Variants in WNT5A observed in about 807,000 individuals in gnomAD.
WNT5A encodes protein Wnt-5a.
WNT5A carries 9 observed loss-of-function variants against 42.1 expected under a neutral mutation model. That is an observed-to-expected ratio of 0.21 (90% CI 0.13 to 0.37). The LOEUF is 0.37. WNT5A is among the 10% of genes least tolerant of loss of function. WNT5A has a pLI of 1.00. For missense variants in WNT5A, 426 were observed against 534.0 expected (o/e 0.80, Z 1.99); for synonymous variants, 210 against 210.0 (o/e 1.00, Z 0.00).
At chr3:55,500,949 A>G in the WNT5A span, among the ~76,000 whole-genome samples, 1 of 152,228 alleles carries the variant, frequency 6.6e-6, no homozygotes, top group Non-Finnish European at 1.5e-5. Context: ...AAAGAGGTAG[A>G]ACGTTTTCTC....
At chr3:55,492,705 A>G (rs1157178841), upstream of WNT5A, among the ~76,000 whole-genome samples, 1 of 152,212 alleles carries the variant, frequency 6.6e-6, no homozygotes, top group Non-Finnish European at 1.5e-5. Flanking sequence ...AACAATCATA[A>G]TAATTGCTGG....
chr3:55,486,545 C>T lies in WNT5A; in HGVS notation c.6+435G>A, dbSNP rs372296739. Among the ~76,000 whole-genome samples the T allele has an allele frequency of 4.7e-3, 722 of 152,338 alleles. 7 individuals carry two copies. The highest frequency in any genetic ancestry group is 0.039 in the South Asian group (188 of 4,832). Reference sequence around the variant, plus strand: ...TCTCTCAACCAAGGAGTCCCTTTCCCCATCCCGAGCCCCGGCCACACACCG... The same window carrying T: ...TCTCTCAACCAAGGAGTCCCTTTCCTCATCCCGAGCCCCGGCCACACACCG... On this transcript the variant is annotated intron_variant, in intron 1 of 4. Transcript: ENST00000264634.
chr3:55,492,049 A>C (rs2051665436), upstream of WNT5A, among the ~76,000 whole-genome samples: 1 of 152,214 alleles, frequency 6.6e-6, no homozygotes, highest in African/African-American at 2.4e-5. Context: ...AGGCTCTTTG[A>C]GACTCTCAAG....
chr3:55,472,343 G>T (rs2051267867), intron 4 of WNT5A, among the ~76,000 whole-genome samples: 1 of 152,332 alleles, frequency 6.6e-6, no homozygotes, highest in African/African-American at 2.4e-5. Flanking sequence ...GGCTAAGAAA[G>T]TCCCAAAGAT....
chr3:55,476,111 A>G, intron 3 of WNT5A, among the ~76,000 whole-genome samples: 1 of 152,240 alleles, frequency 6.6e-6, no homozygotes. Context: ...AGCACAAGAA[A>G]AGCTGACAAC....
chr3:55,481,071 AGTTTCT>A, intron 1 of WNT5A, 153 bp from the exon 2 acceptor site: 1 of 866,954 alleles, frequency 1.2e-6, no homozygotes, highest in Non-Finnish European at 1.5e-6. Context: ...AGATATAGGC[AGTTTCT>A]TTTTCCAAAT....
Position 55,483,370 on chromosome 3 carries a change from C to T in WNT5A, c.7-2452G>A, listed in dbSNP as rs2051507276. On this transcript the variant is annotated intron_variant, in intron 1 of 4. Transcript: ENST00000264634. This position sits in a 1 kb window ranked among gnomAD's most constrained non-coding sequence, Gnocchi z 4.2. ...ATCCCAGTGCAACCGAGAAAAGGCC[C>T]CACAAGTTTGAGACACTCAAAGAAC... Among the ~76,000 whole-genome samples the T allele has an allele frequency of 6.6e-6, 1 of 152,106 alleles. No homozygotes were observed. The highest frequency in any genetic ancestry group is 6.5e-5 in the Admixed American group (1 of 15,276).
chr3:55,489,293 GCA>G (rs6147828), upstream of WNT5A: 44,933 of 148,448 alleles, frequency 0.3, 6,851 homozygotes, highest in Non-Finnish European at 0.35. Flanking sequence ...ACACACGCGC[GCA>G]CACACACACA....
rs918725554 is a variant in WNT5A at position 55,466,877 on chromosome 3, T to G, written c.*3215A>C. The G allele has an allele frequency of 2.0e-5, 3 of 151,838 alleles. No homozygotes were observed. Among genetic ancestry groups the G allele is most frequent in the African/African-American group, 7.2e-5 (3 of 41,422 alleles). 9.4% of individuals were successfully genotyped at this position (151,838 alleles called of 1,614,324 possible). On this transcript the variant is annotated 3_prime_UTR_variant, in exon 5 of 5. Coordinates refer to ENST00000264634, the MANE Select transcript of WNT5A (RefSeq NM_003392.7). ...CTCTATATGTTGGTCTGCTGTTTTT[T>G]TGTGGAATAATGCATTCTTGGCATC...
In WNT5A at chr3:55,483,103, G is replaced by A. The variant is rs985477345; in HGVS notation, c.7-2185C>T. On this transcript the variant is annotated intron_variant, in intron 1 of 4. Transcript: ENST00000264634. The surrounding 1 kb of genome is among the most constrained non-coding windows in gnomAD (Gnocchi z 4.2). Reference sequence around the variant, plus strand: ...TACAGCGGATCTCTTTGTTAGAGCCGAAGCCACACAAACCGAACCCACTCC... The same window carrying A: ...TACAGCGGATCTCTTTGTTAGAGCCAAAGCCACACAAACCGAACCCACTCC... Among the ~76,000 whole-genome samples the A allele has an allele frequency of 6.6e-6, 1 of 152,152 alleles. No individual in the cohort carries two copies. Among genetic ancestry groups the A allele is most frequent in the Non-Finnish European group, 1.5e-5 (1 of 68,036 alleles).
chr3:55,481,903 C>T (rs1035481190), intron 1 of WNT5A, among the ~76,000 whole-genome samples: 6 of 152,206 alleles, frequency 3.9e-5, no homozygotes, highest in African/African-American at 1.4e-4. Context: ...CTCTCCCTCC[C>T]ACCCCACACC....
intron 3 of WNT5A, among the ~76,000 whole-genome samples, chr3:55,475,377 G>C (rs1402037671): frequency 1.3e-5 from 2 of 152,078 alleles, no homozygotes; most frequent in Non-Finnish European, 2.9e-5. Flanking sequence ...ACTCATTTTG[G>C]CCTTGTGTCC....
upstream of WNT5A, chr3:55,490,025 C>T (rs987291552): frequency 2.0e-5 from 3 of 152,268 alleles, no homozygotes; most frequent in African/African-American, 7.2e-5. Flanking sequence ...ATCTCCGGGA[C>T]CCACCTTACG....
the WNT5A span, among the ~76,000 whole-genome samples, chr3:55,497,666 G>A: frequency 2.9e-3 from 438 of 152,300 alleles, 1 homozygote; most frequent in African/African-American, 0.01. Flanking sequence ...ATATTCCAGT[G>A]TTACAGATGA....
In WNT5A at chr3:55,483,315, C is replaced by G. The variant is rs2051506004; in HGVS notation, c.7-2397G>C. ...TCTCCACTTAACCCCGCCGCTTGCC[C>G]GGAAACACCTTGGCCCTCTTCCCTC... On this transcript the variant is annotated intron_variant, in intron 1 of 4. Transcript: ENST00000264634. This position sits in a 1 kb window ranked among gnomAD's most constrained non-coding sequence, Gnocchi z 4.2. 6.6e-6 allele frequency among the ~76,000 whole-genome samples: 1 copy of G among 152,120 alleles called. No individual in the cohort carries two copies. Among genetic ancestry groups the G allele is most frequent in the South Asian group, 2.1e-4 (1 of 4,818 alleles).
At chr3:55,479,867 A>C (rs1473087989) in intron 2 of WNT5A, among the ~76,000 whole-genome samples, 1 of 152,180 alleles carries the variant, frequency 6.6e-6, no homozygotes, top group African/African-American at 2.4e-5. Context: ...GAAAAGGAGG[A>C]AACAGCAGTT....
chr3:55,487,040 G>A lies in WNT5A; in HGVS notation c.-55C>T, dbSNP rs1182841292. The A allele has an allele frequency of 5.6e-6, 9 of 1,594,386 alleles. No individual in the cohort carries two copies. Among genetic ancestry groups the A allele is most frequent in the Non-Finnish European group, 7.7e-6 (9 of 1,167,816 alleles). On this transcript the variant is annotated 5_prime_UTR_variant, in exon 1 of 5. Coordinates refer to ENST00000264634, the MANE Select transcript of WNT5A (RefSeq NM_003392.7). ...TCGCCACCCGAGCGAGCGCAGCCGA[G>A]GAATCCGAGCGGAGCGACCGGGTTA...
the WNT5A span, among the ~76,000 whole-genome samples, chr3:55,503,900 G>A: frequency 3.3e-5 from 5 of 152,208 alleles, no homozygotes; most frequent in South Asian, 1.0e-3. Context: ...AGTGAGCTAT[G>A]ATTGCACTAC....
the WNT5A span, among the ~76,000 whole-genome samples, chr3:55,502,192 C>T: frequency 1.3e-5 from 2 of 152,188 alleles, no homozygotes; most frequent in East Asian, 3.8e-4. Context: ...TGGGACTGGT[C>T]ACCTTAAGAA....
Sources: allele counts gnomAD v4.1 joint callset (sites outside exome capture counted in the v4.1 genomes callset), GRCh38; gene constraint gnomAD v4.1.1; non-coding constraint Gnocchi (gnomAD v3.1); transcripts MANE v1.5; gene names NCBI Gene and HGNC (gene_info 2026-07-23, HGNC 2026-07-21).